The following CSTPP1 variants were observed in gnomAD, a reference collection of about 807,000 sequenced individuals.
CSTPP1 encodes UPF0705 protein C11orf49.
chr11:47,124,405 G>A, the CSTPP1 span, among the ~76,000 whole-genome samples: 3 of 151,864 alleles, frequency 2.0e-5, no homozygotes, highest in African/African-American at 7.2e-5. Flanking sequence ...ATAAGCCACC[G>A]CACCCGGCCT....
chr11:47,151,939 A>G, the CSTPP1 span, among the ~76,000 whole-genome samples: 1 of 152,054 alleles, frequency 6.6e-6, no homozygotes, highest in Non-Finnish European at 1.5e-5. Flanking sequence ...GGACTGTTGT[A>G]GAATAAAATT....
the CSTPP1 span, chr11:47,137,411 C>A: frequency 2.7e-6 from 4 of 1,508,294 alleles, no homozygotes; most frequent in Non-Finnish European, 2.7e-6. Context: ...ACCAGTGAAG[C>A]TCCTTTGGTC....
chr11:46,981,107 G>T, the CSTPP1 span, among the ~76,000 whole-genome samples: 2 of 151,944 alleles, frequency 1.3e-5, no homozygotes, highest in Non-Finnish European at 2.9e-5. Context: ...AAGGAAACAC[G>T]TACAAGAATG....
At chr11:47,018,584 C>T in the CSTPP1 span, among the ~76,000 whole-genome samples, 3 of 152,170 alleles carry the variant, frequency 2.0e-5, no homozygotes, top group South Asian at 2.1e-4. Context: ...TGAGCCACTA[C>T]GCCCAGCCAT....
the CSTPP1 span, chr11:47,155,040 G>A: frequency 2.6e-6 from 2 of 765,066 alleles, no homozygotes; most frequent in Non-Finnish European, 4.6e-6. Context: ...TGCTGCCCCA[G>A]GGGAGACTGG....
chr11:47,020,057 C>T, the CSTPP1 span, among the ~76,000 whole-genome samples: 1 of 152,126 alleles, frequency 6.6e-6, no homozygotes, highest in Non-Finnish European at 1.5e-5. Flanking sequence ...GTTTCTCACA[C>T]CTGAAAGTGC....
At chr11:46,939,082 CTTTTTTTTTTTTTTTT>C in the CSTPP1 span, among the ~76,000 whole-genome samples, 1 of 84,744 alleles carries the variant, frequency 1.2e-5, no homozygotes, top group Admixed American at 1.4e-4. Context: ...TGGCTTACAT[CTTTTTTTTTTTTTTTT>C]TTTTTTTTTG....
the CSTPP1 span, among the ~76,000 whole-genome samples, chr11:47,144,881 G>A: frequency 6.6e-6 from 1 of 152,048 alleles, no homozygotes. Context: ...GTAGGTTTAG[G>A]GCGGGGCTCA....
the CSTPP1 span, among the ~76,000 whole-genome samples, chr11:47,105,681 G>A: frequency 6.6e-6 from 1 of 152,108 alleles, no homozygotes; most frequent in African/African-American, 2.4e-5. Flanking sequence ...GATGTCATGG[G>A]TCTAAGATCA....
the CSTPP1 span, among the ~76,000 whole-genome samples, chr11:47,009,795 G>A: frequency 1.2e-4 from 18 of 151,844 alleles, no homozygotes; most frequent in Admixed American, 2.6e-4. Flanking sequence ...GCAACAGAGT[G>A]ACAGAGTAAG....
chr11:47,117,321 G>T, the CSTPP1 span, among the ~76,000 whole-genome samples: 6 of 152,292 alleles, frequency 3.9e-5, no homozygotes, highest in East Asian at 1.2e-3. Flanking sequence ...CTCTTGTAAG[G>T]CAGGCCTGGT....
chr11:47,041,862 C>T, the CSTPP1 span: 5 of 362,022 alleles, frequency 1.4e-5, no homozygotes, highest in African/African-American at 9.9e-5. Flanking sequence ...TGGTCTTTCC[C>T]ATGCCACCTT....
At chr11:47,138,197 AC>A in the CSTPP1 span, among the ~76,000 whole-genome samples, 1 of 152,164 alleles carries the variant, frequency 6.6e-6, no homozygotes, top group South Asian at 2.1e-4. Context: ...GGAAGCAAGG[AC>A]CTTTTTCACA....
At chr11:47,154,198 A>G in the CSTPP1 span, among the ~76,000 whole-genome samples, 3 of 152,094 alleles carry the variant, frequency 2.0e-5, no homozygotes, top group African/African-American at 7.2e-5. Context: ...CGGCCTCCCA[A>G]AGTGCTGGGA....
the CSTPP1 span, among the ~76,000 whole-genome samples, chr11:46,961,551 G>A: frequency 6.6e-6 from 1 of 152,034 alleles, no homozygotes; most frequent in Non-Finnish European, 1.5e-5. Context: ...TCTTGGTAGT[G>A]TCCTTTGGAG....
At chr11:47,137,487 C>T in the CSTPP1 span, 3 of 1,501,696 alleles carry the variant, frequency 2.0e-6, no homozygotes, top group Non-Finnish European at 2.7e-6. Flanking sequence ...CTTAAAATCT[C>T]ACACCTGGAG....
chr11:47,119,906 C>T, the CSTPP1 span, among the ~76,000 whole-genome samples: 17 of 152,206 alleles, frequency 1.1e-4, no homozygotes, highest in East Asian at 5.8e-4. Context: ...CCACCATGCC[C>T]GGCCTTATCC....
the CSTPP1 span, among the ~76,000 whole-genome samples, chr11:46,999,887 T>C: frequency 6.6e-6 from 1 of 152,204 alleles, no homozygotes; most frequent in African/African-American, 2.4e-5. Context: ...CTGTCACTCC[T>C]TGGTTGTTGG....
chr11:46,944,295 G>A, the CSTPP1 span, among the ~76,000 whole-genome samples: 1 of 146,976 alleles, frequency 6.8e-6, no homozygotes, highest in Admixed American at 6.7e-5. Flanking sequence ...TCCAGCCTGG[G>A]TGACAGAGTG....
Sources: gnomAD v4.1 joint callset for allele counts (sites outside exome capture counted in the v4.1 genomes callset) on GRCh38, gnomAD v4.1.1 for gene constraint, MANE v1.5 for transcripts, NCBI Gene and HGNC (gene_info 2026-07-23, HGNC 2026-07-21) for gene names.